GRIN2B: variants seen among roughly 807,000 people sequenced by gnomAD.
GRIN2B encodes the protein glutamate ionotropic receptor NMDA type subunit 2B, also known as glutamate receptor ionotropic, NMDA 2B.
In GRIN2B, 5 loss-of-function variants were observed where a neutral mutation model predicts 114.5. That is an observed-to-expected ratio of 0.04 (90% CI 0.02 to 0.09). GRIN2B has a LOEUF of 0.09. GRIN2B is among the 10% of genes least tolerant of loss of function. The pLI is 1.00. For missense variants in GRIN2B, 1,108 were observed against 1,943.5 expected, an observed-to-expected ratio of 0.57 and a Z score of 8.08; for synonymous variants, 787 against 745.1, an observed-to-expected ratio of 1.06 and a Z score of -0.92.
chr12:13,692,831 C>T (rs1171954811), intron 4 of GRIN2B, among the ~76,000 whole-genome samples: 1 of 127,954 alleles, frequency 7.8e-6, no homozygotes, highest in Non-Finnish European at 1.6e-5. Context: ...TGCAATGGTG[C>T]CATCTCAGCT....
chr12:13,971,001 C>T (rs1172181170), intron 2 of GRIN2B, among the ~76,000 whole-genome samples: 1 of 152,176 alleles, frequency 6.6e-6, no homozygotes, highest in African/African-American at 2.4e-5. Flanking sequence ...ATTGTGGCTC[C>T]ACAGAGCTCA....
intron 4 of GRIN2B, among the ~76,000 whole-genome samples, chr12:13,705,899 G>T (rs1950355559): frequency 6.6e-6 from 1 of 152,132 alleles, no homozygotes; most frequent in Non-Finnish European, 1.5e-5. Context: ...ATGAAGGGTT[G>T]TTATTAGTGA....
At chr12:13,762,664 T>A (rs924690898) in intron 3 of GRIN2B, among the ~76,000 whole-genome samples, 1 of 152,168 alleles carries the variant, frequency 6.6e-6, no homozygotes, top group African/African-American at 2.4e-5. Context: ...CAAGCACTGG[T>A]TCTAGATACA....
intron 10 of GRIN2B, among the ~76,000 whole-genome samples, chr12:13,601,182 T>C (rs577467013): frequency 6.6e-6 from 1 of 152,176 alleles, no homozygotes; most frequent in Non-Finnish European, 1.5e-5. Context: ...CCATAAAAAA[T>C]AGCCACGAAC....
intron 10 of GRIN2B, among the ~76,000 whole-genome samples, chr12:13,602,546 C>T (rs1949174959): frequency 6.6e-6 from 1 of 152,176 alleles, no homozygotes; most frequent in Non-Finnish European, 1.5e-5. Context: ...CTCACACATG[C>T]TCAACAACCA....
chr12:13,635,859 G>A (rs890838978), intron 5 of GRIN2B, among the ~76,000 whole-genome samples: 4 of 152,118 alleles, frequency 2.6e-5, no homozygotes, highest in African/African-American at 9.7e-5. Context: ...TAGAATATAA[G>A]TTCTTCTTTC....
chr12:13,621,788 G>A (rs1443318267), intron 5 of GRIN2B, among the ~76,000 whole-genome samples: 4 of 151,908 alleles, frequency 2.6e-5, no homozygotes, highest in African/African-American at 7.3e-5. Flanking sequence ...AAGGCTTCCC[G>A]TAGGAAAATT....
chr12:13,705,746 A>G (rs10845825), intron 4 of GRIN2B, among the ~76,000 whole-genome samples: 63,665 of 152,014 alleles, frequency 0.42, 13,771 homozygotes, highest in Non-Finnish European at 0.48. Context: ...TAAATAATGT[A>G]GAGATACTCA....
intron 2 of GRIN2B, among the ~76,000 whole-genome samples, chr12:13,973,696 T>A (rs1862970193): frequency 6.6e-6 from 1 of 152,190 alleles, no homozygotes; most frequent in South Asian, 2.1e-4. Context: ...TATCTTCAGA[T>A]CCAGGGTACT....
At chr12:13,913,065 G>A (rs949371925) in intron 2 of GRIN2B, among the ~76,000 whole-genome samples, 2 of 152,144 alleles carry the variant, frequency 1.3e-5, no homozygotes, top group Non-Finnish European at 2.9e-5. Flanking sequence ...CCTGAGTCGA[G>A]AGTAACAGTG....
chr12:13,748,401 G>C (rs1172241193), intron 4 of GRIN2B, among the ~76,000 whole-genome samples: 1 of 152,194 alleles, frequency 6.6e-6, no homozygotes, highest in African/African-American at 2.4e-5. Context: ...AGAGTACATG[G>C]AGAAGGAAAA....
intron 10 of GRIN2B, among the ~76,000 whole-genome samples, chr12:13,581,499 A>G (rs572081692): frequency 2.0e-5 from 3 of 148,290 alleles, no homozygotes; most frequent in Non-Finnish European, 4.5e-5. Context: ...GGAGAAGAAG[A>G]AGGTCAGGTG....
rs77422653 is a variant in GRIN2B, at chr12:13,842,717, G to C, written c.411+23081C>G. Among the ~76,000 whole-genome samples, 117 of 152,148 alleles carry C rather than the reference G, an allele frequency of 7.7e-4. 2 individuals carry two copies. In the East Asian group the frequency reaches 0.018, roughly 23 times the overall value. Reference sequence around the variant, plus strand: ...TGCATAAAAATAAACCTGAAAAGTAGGCTAACTTCTACAGTTCATTATGGA... The same window carrying C: ...TGCATAAAAATAAACCTGAAAAGTACGCTAACTTCTACAGTTCATTATGGA... On this transcript the variant is annotated intron_variant, in intron 3 of 13. Transcript: ENST00000609686.
chr12:13,963,617 G>A (rs1001035290), intron 2 of GRIN2B, among the ~76,000 whole-genome samples: 10 of 152,154 alleles, frequency 6.6e-5, no homozygotes, highest in Admixed American at 1.3e-4. Flanking sequence ...CAGAGGAAAA[G>A]CTGGCAGTCA....
intron 3 of GRIN2B, among the ~76,000 whole-genome samples, chr12:13,756,155 A>ACC (rs1863572339): frequency 3.3e-5 from 5 of 152,102 alleles, no homozygotes; most frequent in Non-Finnish European, 4.4e-5. Context: ...AGCTGGGATT[A>ACC]CAGGCGCCCA....
At chr12:13,603,133 A>T (rs1399075833) in intron 10 of GRIN2B, among the ~76,000 whole-genome samples, 2 of 152,196 alleles carry the variant, frequency 1.3e-5, no homozygotes, top group Non-Finnish European at 2.9e-5. Flanking sequence ...ACACAGGCTA[A>T]AGTCAATTTG....
intron 3 of GRIN2B, among the ~76,000 whole-genome samples, chr12:13,844,815 T>C (rs1865442907): frequency 6.6e-6 from 1 of 152,224 alleles, no homozygotes; most frequent in African/African-American, 2.4e-5. Context: ...CAAATTAAGG[T>C]AAAGTATATA....
At chr12:13,712,164 G>A (rs921994676) in intron 4 of GRIN2B, among the ~76,000 whole-genome samples, 2 of 150,724 alleles carry the variant, frequency 1.3e-5, no homozygotes, top group African/African-American at 2.4e-5. Context: ...TCACTCATAG[G>A]TGGGAATTGA....
chr12:13,975,737 T>C (rs902866546), intron 2 of GRIN2B, among the ~76,000 whole-genome samples: 1 of 152,198 alleles, frequency 6.6e-6, no homozygotes, highest in South Asian at 2.1e-4. Context: ...ATAAAACATC[T>C]CTCCCTGCCC....
Sources: gnomAD v4.1 joint callset for allele counts (sites outside exome capture counted in the v4.1 genomes callset) on GRCh38, gnomAD v4.1.1 for gene constraint, MANE v1.5 for transcripts, NCBI Gene and HGNC (gene_info 2026-07-23, HGNC 2026-07-21) for gene names.